The following PKP2 variants were observed in gnomAD, a reference collection of about 807,000 sequenced individuals.
The protein encoded by PKP2 is plakophilin 2, also known as plakophilin-2.
Under a neutral mutation model 83.4 loss-of-function variants are expected in PKP2, and 73 were observed. The observed-to-expected ratio is 0.88, with a 90% CI of 0.72 to 1.06. PKP2 has a LOEUF of 1.06. PKP2 is among the 50% of genes least tolerant of loss of function. The pLI is 0.00. For synonymous variants in PKP2, 409 were observed against 430.4 expected, an observed-to-expected ratio of 0.95 and a Z score of 0.62; for missense variants, 966 against 1,065.4, an observed-to-expected ratio of 0.91 and a Z score of 1.30.
chr12:32,827,595 T>C (rs1165473128), intron 6 of PKP2, among the ~76,000 whole-genome samples: 1 of 152,254 alleles, frequency 6.6e-6, no homozygotes, highest in Non-Finnish European at 1.5e-5. Flanking sequence ...GAATTGATCT[T>C]TTTTACAACG....
intron 10 of PKP2, among the ~76,000 whole-genome samples, chr12:32,800,044 G>A (rs1565573801): frequency 6.6e-6 from 1 of 152,174 alleles, no homozygotes; most frequent in African/African-American, 2.4e-5. Context: ...TTTCATGTAT[G>A]TTTTCCTCTT....
intron 6 of PKP2, among the ~76,000 whole-genome samples, chr12:32,839,342 G>T (rs1454174280): frequency 6.7e-6 from 1 of 148,646 alleles, no homozygotes; most frequent in Non-Finnish European, 1.5e-5. Flanking sequence ...CTTTCCCTGT[G>T]ATTGGCACAA....
intron 4 of PKP2, among the ~76,000 whole-genome samples, chr12:32,861,594 G>A (rs1483673501): frequency 6.6e-6 from 1 of 152,174 alleles, no homozygotes; most frequent in Non-Finnish European, 1.5e-5. Flanking sequence ...AGCCTAACGT[G>A]TATGTAATTG....
intron 5 of PKP2, among the ~76,000 whole-genome samples, chr12:32,841,939 T>C (rs915719179): frequency 1.3e-5 from 2 of 152,230 alleles, no homozygotes; most frequent in South Asian, 2.1e-4. Context: ...CAAAGATTAG[T>C]ACCCTATTTA....
chr12:32,861,850 T>C lies in PKP2; in HGVS notation c.1170+7077A>G, dbSNP rs377747410. ...GATAAGGATGACAGGAGATTTCTTA[T>C]CTAAAACAATGCAAGTGATGCAAGT... On this transcript the variant is annotated intron_variant, in intron 4 of 12. Coordinates refer to ENST00000340811, the MANE Select transcript of PKP2 (RefSeq NM_001005242.3). 3.3e-5 allele frequency among the ~76,000 whole-genome samples: 5 copies of C among 152,304 alleles called. No individual in the cohort carries two copies. The East Asian group carries it at 9.7e-4, about 29-fold the overall frequency.
At chr12:32,811,136 A>G (rs554151507) in intron 9 of PKP2, among the ~76,000 whole-genome samples, 1 of 152,338 alleles carries the variant, frequency 6.6e-6, no homozygotes, top group East Asian at 1.9e-4. Flanking sequence ...ATCAAAAAAG[A>G]TGTCCCTGGT....
intron 9 of PKP2, among the ~76,000 whole-genome samples, chr12:32,819,988 T>A (rs768907710): frequency 2.0e-4 from 31 of 151,470 alleles, no homozygotes; most frequent in Admixed American, 1.3e-4. Context: ...AAACCTAGCA[T>A]AGGAAAATGG....
Position 32,855,512 on chromosome 12 carries a change from G to A in PKP2, c.1171-4539C>T, listed in dbSNP as rs934406019. Among the ~76,000 whole-genome samples, 8 of 152,086 alleles carry A rather than the reference G, an allele frequency of 5.3e-5. No individual in the cohort carries two copies. In the South Asian group the frequency reaches 6.2e-4, roughly 12 times the overall value. On this transcript the variant is annotated intron_variant, in intron 4 of 12. Coordinates refer to ENST00000340811, the MANE Select transcript of PKP2 (RefSeq NM_001005242.3). ...AATAAGGCCGGGCATGATGGCTCAC[G>A]CCTGTAATCCCAGCACTTTGGAAGG...
chr12:32,851,213 G>A (rs1956694068), intron 4 of PKP2, among the ~76,000 whole-genome samples: 1 of 152,056 alleles, frequency 6.6e-6, no homozygotes, highest in African/African-American at 2.4e-5. Context: ...TAATTGAAGG[G>A]GAAGATTAAG....
rs769438623 is a variant in PKP2, at chr12:32,878,289, G to A, written c.591C>T (p.Ser197=). ...CAGCACGGCTGACCCCCACGATCTC[G>A]GAACGAGCATATCTCGGTGGCACTA... is the stretch of plus-strand genomic sequence containing the variant. ...ALLVPPRYAR[S]EIVGVSRAGT... is the part of the protein sequence containing the mutation. Residue 197 remains serine, a synonymous_variant, in exon 3 of 13, where the codon TCC becomes TCT. Coordinates refer to ENST00000340811, the MANE Select transcript of PKP2 (RefSeq NM_001005242.3). 1.4e-5 allele frequency: 22 copies of A among 1,613,692 alleles called. No homozygotes were observed. The highest frequency in any genetic ancestry group is 1.6e-4 in the Middle Eastern group (1 of 6,084).
At chr12:32,871,445 G>A (rs572633635) in intron 3 of PKP2, among the ~76,000 whole-genome samples, 21 of 151,786 alleles carry the variant, frequency 1.4e-4, no homozygotes, top group African/African-American at 4.8e-4. Context: ...ACAGGTGCAC[G>A]CCACCATACC....
At position 32,869,014 on chromosome 12, in the gene PKP2, C is replaced by T; in HGVS notation, c.1083G>A (p.Glu361=). 6.2e-7 allele frequency: 1 copy of T among 1,613,864 alleles called. No homozygotes were observed. The highest frequency in any genetic ancestry group is 1.1e-5 in the South Asian group (1 of 91,078). The change falls in exon 4 of 13, where the codon GAG becomes GAA. Residue 361 remains glutamate (E), a synonymous_variant. Transcript: ENST00000340811. ...MTLERAVSML[E]ADHMLPSRIS... ...TCCTGGATGGCAGCATGTGGTCTGC[C>T]TCGAGCATACTCACTGCTCGCTCCA...
At chr12:32,857,216 G>A (rs1956757544) in intron 4 of PKP2, among the ~76,000 whole-genome samples, 1 of 152,174 alleles carries the variant, frequency 6.6e-6, no homozygotes, top group African/African-American at 2.4e-5. Flanking sequence ...TTAAGCCCAG[G>A]AGTTTGAGAC....
intron 1 of PKP2, 143 bp downstream of exon 1, chr12:32,896,366 G>C (rs1957123543): frequency 1.7e-6 from 1 of 584,446 alleles, no homozygotes; most frequent in African/African-American, 2.0e-5. Flanking sequence ...CCACAAGCAA[G>C]TCGGTCATAC....
intron 9 of PKP2, among the ~76,000 whole-genome samples, chr12:32,815,480 T>A (rs1332027994): frequency 2.0e-5 from 3 of 152,210 alleles, no homozygotes; most frequent in Non-Finnish European, 4.4e-5. Flanking sequence ...ACCTTCCACA[T>A]GATAGGTCCT....
At chr12:32,850,189 A>G (rs907342100) in intron 5 of PKP2, among the ~76,000 whole-genome samples, 1 of 152,230 alleles carries the variant, frequency 6.6e-6, no homozygotes, top group Admixed American at 6.5e-5. Flanking sequence ...ATTTAGTCAA[A>G]GGTGCATAGA....
rs1956588897 is a variant in PKP2 at position 32,841,217 on chromosome 12, CAG to C, written c.1379-14_1379-13del. The C allele has an allele frequency of 6.2e-7, 1 of 1,610,652 alleles. No homozygotes were observed. The highest frequency in any genetic ancestry group is 1.3e-5 in the African/African-American group (1 of 74,938). ...ATTCCACAGCAAACCTAGAAAAGCA[CAG>C]AGTTACCATGAAAACAGTGCAGGGT... On this transcript the variant is annotated splice_polypyrimidine_tract_variant and intron_variant, in intron 5 of 12. Coordinates refer to ENST00000340811, the MANE Select transcript of PKP2 (RefSeq NM_001005242.3).
chr12:32,795,908 G>A (rs1436925123), intron 11 of PKP2, among the ~76,000 whole-genome samples: 2 of 152,234 alleles, frequency 1.3e-5, no homozygotes, highest in East Asian at 3.8e-4. Context: ...GAAGAGAAGG[G>A]ACAAGCATGT....
chr12:32,893,802 C>T (rs1223712315), intron 1 of PKP2: 1 of 152,070 alleles, frequency 6.6e-6, no homozygotes, highest in African/African-American at 2.4e-5. Context: ...ATTCTGTTCC[C>T]TCCTAGAATG....
Sources: allele counts gnomAD v4.1 joint callset (sites outside exome capture counted in the v4.1 genomes callset), GRCh38; gene constraint gnomAD v4.1.1; transcripts MANE v1.5; gene names NCBI Gene and HGNC (gene_info 2026-07-23, HGNC 2026-07-21).